The following ZNF148 variants were observed in gnomAD, a reference collection of about 807,000 sequenced individuals.
The protein encoded by ZNF148 is zinc finger protein 148, also known as Beta-Enolase Repressor Factor-1.
A neutral mutation model predicts 67.7 loss-of-function variants in ZNF148; 7 were observed. That is an observed-to-expected ratio of 0.10 (90% CI 0.06 to 0.19). The LOEUF (loss-of-function observed/expected upper bound fraction) is 0.19. Ranked by LOEUF, ZNF148 falls within the 10% of genes least tolerant of loss-of-function variation. The pLI, the probability that ZNF148 is intolerant of heterozygous loss-of-function variation, is 1.00. For synonymous variants in ZNF148, 333 were observed against 330.7 expected (o/e 1.01, Z -0.08); for missense variants, 583 against 947.1 (o/e 0.62, Z 5.05).
intron 7 of ZNF148, among the ~76,000 whole-genome samples, chr3:125,264,559 T>C (rs1031575732): frequency 1.3e-5 from 2 of 152,200 alleles, no homozygotes; most frequent in African/African-American, 4.8e-5. Flanking sequence ...TGTTTTTTAA[T>C]TGACTATTGA....
intron 1 of ZNF148, chr3:125,344,404 C>T: frequency 1.4e-6 from 1 of 701,886 alleles, no homozygotes; most frequent in Non-Finnish European, 2.6e-6. Context: ...GTCCCTTGGC[C>T]TCCTCAGGGA....
At chr3:125,296,736 C>G (rs1939302814) in intron 4 of ZNF148, among the ~76,000 whole-genome samples, 2 of 151,808 alleles carry the variant, frequency 1.3e-5, no homozygotes, top group South Asian at 4.2e-4. Context: ...ATGTCTAATA[C>G]CCAATAATAA....
chr3:125,237,592 A>C (rs893653571), intron 7 of ZNF148, among the ~76,000 whole-genome samples: 5 of 152,192 alleles, frequency 3.3e-5, no homozygotes, highest in Non-Finnish European at 5.9e-5. Context: ...AAAAAAAATT[A>C]AACTAAATTT....
At chr3:125,309,596 A>T (rs1579767080) in intron 4 of ZNF148, among the ~76,000 whole-genome samples, 1 of 76,680 alleles carries the variant, frequency 1.3e-5, no homozygotes, top group African/African-American at 4.0e-5. Context: ...AACTACAGTT[A>T]AAAAAAAAAG....
intron 1 of ZNF148, among the ~76,000 whole-genome samples, chr3:125,356,409 T>C (rs1942343921): frequency 6.6e-6 from 1 of 152,196 alleles, no homozygotes; most frequent in South Asian, 2.1e-4. Flanking sequence ...ACCTGTATCA[T>C]GCTAACAATA....
At chr3:125,371,243 C>T (rs988484289) in intron 1 of ZNF148, among the ~76,000 whole-genome samples, 33 of 151,214 alleles carry the variant, frequency 2.2e-4, no homozygotes, top group African/African-American at 8.0e-4. Flanking sequence ...GTATTCCCGG[C>T]TACTTGTGGG....
intron 7 of ZNF148, among the ~76,000 whole-genome samples, chr3:125,253,706 TAAGG>T (rs1469338999): frequency 6.6e-6 from 1 of 152,176 alleles, no homozygotes; most frequent in Non-Finnish European, 1.5e-5. Context: ...ATTTGTTAAT[TAAGG>T]GTGAATTTGA....
chr3:125,290,751 GTTCTGATGCAT>G (rs1156970724), intron 4 of ZNF148, among the ~76,000 whole-genome samples: 2 of 151,822 alleles, frequency 1.3e-5, no homozygotes, highest in Non-Finnish European at 2.9e-5. Flanking sequence ...TACGTGCAGG[GTTCTGATGCAT>G]TACCAAAAAA....
intron 7 of ZNF148, among the ~76,000 whole-genome samples, chr3:125,237,867 T>A (rs1479287886): frequency 6.6e-6 from 1 of 152,202 alleles, no homozygotes. Flanking sequence ...GGAGGACTTA[T>A]ACTTCCAGAT....
intron 3 of ZNF148, among the ~76,000 whole-genome samples, chr3:125,316,802 C>T (rs974666632): frequency 6.6e-6 from 1 of 152,118 alleles, no homozygotes; most frequent in Non-Finnish European, 1.5e-5. Flanking sequence ...TGTGGGTTGT[C>T]TCTTCACTTT....
chr3:125,317,773 T>G (rs1579790305), intron 3 of ZNF148, among the ~76,000 whole-genome samples: 1 of 150,496 alleles, frequency 6.6e-6, no homozygotes, highest in East Asian at 1.9e-4. Flanking sequence ...TAAGAAAGGA[T>G]CTTCATGAAG....
At chr3:125,317,610 A>T (rs1266268206) in intron 3 of ZNF148, among the ~76,000 whole-genome samples, 1 of 149,352 alleles carries the variant, frequency 6.7e-6, no homozygotes, top group Non-Finnish European at 1.5e-5. Context: ...AGTGAAAAAA[A>T]ATCAAGGAGA....
At chr3:125,311,930 A>T (rs1940235588) in intron 4 of ZNF148, among the ~76,000 whole-genome samples, 1 of 152,222 alleles carries the variant, frequency 6.6e-6, no homozygotes, top group Non-Finnish European at 1.5e-5. Flanking sequence ...CTATATTTAT[A>T]GGAGAAATCA....
intron 4 of ZNF148, among the ~76,000 whole-genome samples, chr3:125,296,760 T>C (rs756006200): frequency 2.6e-5 from 4 of 152,148 alleles, no homozygotes; most frequent in Non-Finnish European, 5.9e-5. Context: ...AATAGGGAGA[T>C]AAATTATAAT....
chr3:125,277,214 T>C (rs1938122442), intron 7 of ZNF148, among the ~76,000 whole-genome samples: 2 of 152,180 alleles, frequency 1.3e-5, no homozygotes, highest in Non-Finnish European at 2.9e-5. Flanking sequence ...AGACTTAGGT[T>C]TTTACGGTAT....
At chr3:125,310,262 T>C (rs961898273) in intron 4 of ZNF148, among the ~76,000 whole-genome samples, 5 of 151,980 alleles carry the variant, frequency 3.3e-5, no homozygotes, top group African/African-American at 1.2e-4. Flanking sequence ...GTATTTTTAG[T>C]AGAGATGGGG....
chr3:125,333,674 T>A (rs1941381288), intron 1 of ZNF148, among the ~76,000 whole-genome samples: 1 of 152,228 alleles, frequency 6.6e-6, no homozygotes, highest in Admixed American at 6.5e-5. Context: ...CAGCAGTCAG[T>A]GAATATTCCT....
chr3:125,313,355 T>C lies in ZNF148; in HGVS notation c.286A>G (p.Thr96Ala), dbSNP rs750968344. 6.2e-7 allele frequency: 1 copy of C among 1,614,146 alleles called. No individual in the cohort carries two copies. The highest frequency in any genetic ancestry group is 1.1e-5 in the South Asian group (1 of 91,078). Residue 96 changes from threonine to alanine, a missense_variant, in exon 4 of 9, where the codon ACA becomes GCA. This residue lies in a region of ZNF148 where 150 missense variants were observed against 202.5 expected (regional missense o/e 0.74). Transcript: ENST00000360647. ...AGTCCTTGAGGAAGTCTTTCATGTGTTTCCATCTGCTCTTCATCATTTTTC... is the reference window on the plus strand; with the variant it reads ...AGTCCTTGAGGAAGTCTTTCATGTGCTTCCATCTGCTCTTCATCATTTTTC... Reference protein sequence around the residue: ...TVKNDEEQMETHERLPQGLQY... With the variant: ...TVKNDEEQMEAHERLPQGLQY...
At chr3:125,268,165 A>C (rs1257013856) in intron 7 of ZNF148, among the ~76,000 whole-genome samples, 1 of 151,430 alleles carries the variant, frequency 6.6e-6, no homozygotes, top group African/African-American at 2.4e-5. Context: ...CAGATTCACC[A>C]CCATTCCTAT....
Sources: gnomAD v4.1 joint callset for allele counts (sites outside exome capture counted in the v4.1 genomes callset) on GRCh38, gnomAD v4.1.1 for gene constraint, gnomAD v4.1.1 regional missense constraint, MANE v1.5 for transcripts, NCBI Gene and HGNC (gene_info 2026-07-23, HGNC 2026-07-21) for gene names.